C3orf20: variants seen among roughly 807,000 people sequenced by gnomAD.
C3orf20 encodes uncharacterized protein C3orf20.
In C3orf20, 76 loss-of-function variants were observed where a neutral mutation model predicts 88.3. The observed-to-expected ratio is 0.86, with a 90% CI of 0.72 to 1.04. C3orf20 has a LOEUF of 1.04. C3orf20 is among the 50% of genes least tolerant of loss of function. The pLI is 0.00. For synonymous variants in C3orf20, 436 were observed against 437.4 expected (o/e 1.00, Z 0.04); for missense variants, 1,056 against 1,123.3 (o/e 0.94, Z 0.86).
At chr3:14,704,835 A>G (rs2033431643) in intron 7 of C3orf20, among the ~76,000 whole-genome samples, 1 of 152,192 alleles carries the variant, frequency 6.6e-6, no homozygotes, top group South Asian at 2.1e-4. Context: ...GATCAACAGG[A>G]ACATACCACA....
Position 14,704,458 on chromosome 3 carries a change from G to T in C3orf20, c.1000G>T (p.Gly334Cys). ...CCGCAAAGGAGACTCTCAGACCCCG[G>T]GTTTACATTACCCTCCCACTGCAGG... ...LARKGDSQTP[G>C]LHYPPTAGAQ... Residue 334 changes from glycine (G) to cysteine (C), a missense_variant, in exon 7 of 17, where the codon GGT becomes TGT. By Grantham distance (159) the Gly-to-Cys change is radical. Transcript: ENST00000253697. 1 of 1,614,068 alleles carries T rather than the reference G, an allele frequency of 6.2e-7. No individual in the cohort carries two copies. Among genetic ancestry groups the T allele is most frequent in the Non-Finnish European group, 8.5e-7 (1 of 1,179,994 alleles).
At chr3:14,697,422 ATTCT>A (rs1213820761) in intron 5 of C3orf20, among the ~76,000 whole-genome samples, 5 of 151,650 alleles carry the variant, frequency 3.3e-5, no homozygotes, top group African/African-American at 4.8e-5. Flanking sequence ...AAGCTCACTA[ATTCT>A]TTCTTCTGCT....
intron 5 of C3orf20, among the ~76,000 whole-genome samples, chr3:14,693,746 A>G (rs1384491152): frequency 1.3e-5 from 2 of 152,138 alleles, no homozygotes; most frequent in Non-Finnish European, 2.9e-5. Flanking sequence ...TGGTGGTGAA[A>G]GTGGGCATCC....
chr3:14,765,903 C>G (rs148485864), intron 15 of C3orf20, among the ~76,000 whole-genome samples: 1 of 152,220 alleles, frequency 6.6e-6, no homozygotes, highest in African/African-American at 2.4e-5. Flanking sequence ...AGGGTCCCCA[C>G]GGGGGCCTCA....
intron 5 of C3orf20, among the ~76,000 whole-genome samples, chr3:14,700,948 T>C (rs2033237511): frequency 1.3e-5 from 2 of 152,226 alleles, no homozygotes; most frequent in Admixed American, 1.3e-4. Context: ...GAGTTGGGCT[T>C]ACTCCCTGAG....
In C3orf20 at chr3:14,717,056, C is replaced by T. The variant is rs188742675; in HGVS notation, c.1434+1647C>T. On this transcript the variant is annotated intron_variant, in intron 9 of 16. Coordinates refer to ENST00000253697, the MANE Select transcript of C3orf20 (RefSeq NM_032137.5). ...TAAGTTGTGTGTTAGTGTGTCCAAG[C>T]GGAGAACTGGGATAAGAACCTGAGG... 9.9e-5 allele frequency among the ~76,000 whole-genome samples: 15 copies of T among 152,228 alleles called. No individual in the cohort carries two copies. The East Asian group carries it at 1.9e-3, about 20-fold the overall frequency.
chr3:14,714,644 C>CTCAGGTT (rs2033875901), intron 8 of C3orf20, among the ~76,000 whole-genome samples: 1 of 152,158 alleles, frequency 6.6e-6, no homozygotes, highest in Admixed American at 6.5e-5. Context: ...CACTCTGTCA[C>CTCAGGTT]TCAGGTTGAA....
At chr3:14,705,898 A>G (rs1055960407) in intron 7 of C3orf20, among the ~76,000 whole-genome samples, 1 of 152,228 alleles carries the variant, frequency 6.6e-6, no homozygotes, top group South Asian at 2.1e-4. Flanking sequence ...GCCTTGGTTC[A>G]TGGCCTCCTT....
intron 9 of C3orf20, among the ~76,000 whole-genome samples, chr3:14,720,974 C>A (rs898126612): frequency 6.6e-6 from 1 of 152,146 alleles, no homozygotes; most frequent in Non-Finnish European, 1.5e-5. Flanking sequence ...CTCAGTAAGG[C>A]GTGAGTTGTT....
intron 4 of C3orf20, among the ~76,000 whole-genome samples, chr3:14,687,688 T>C (rs1013092143): frequency 3.3e-5 from 5 of 152,210 alleles, no homozygotes; most frequent in African/African-American, 1.2e-4. Flanking sequence ...CTGAATACCA[T>C]GTCTCCTCAC....
At chr3:14,728,735 G>A in intron 12 of C3orf20, 47 bp downstream of exon 12, 1 of 1,591,486 alleles carries the variant, frequency 6.3e-7, no homozygotes, top group Non-Finnish European at 8.6e-7. Context: ...TGTTGTGATG[G>A]GCAGTGGGCA....
At chr3:14,729,096 A>G (rs1439262257) in intron 12 of C3orf20, among the ~76,000 whole-genome samples, 1 of 152,182 alleles carries the variant, frequency 6.6e-6, no homozygotes, top group African/African-American at 2.4e-5. Context: ...TCATTCACAT[A>G]TCATCTACAG....
chr3:14,737,236 T>G (rs1160858629), intron 12 of C3orf20, among the ~76,000 whole-genome samples: 1 of 152,114 alleles, frequency 6.6e-6, no homozygotes, highest in Admixed American at 6.6e-5. Flanking sequence ...TTTTTTCTCT[T>G]TTTCCCCCTC....
intron 12 of C3orf20, among the ~76,000 whole-genome samples, chr3:14,729,173 T>C (rs1034225120): frequency 6.6e-6 from 1 of 152,174 alleles, no homozygotes; most frequent in African/African-American, 2.4e-5. Flanking sequence ...ACTACCTGGC[T>C]CTCTACAGAA....
chr3:14,753,034 C>T (rs968744705), intron 12 of C3orf20, among the ~76,000 whole-genome samples: 8 of 152,192 alleles, frequency 5.3e-5, no homozygotes, highest in Admixed American at 2.0e-4. Flanking sequence ...AAGACACATG[C>T]ACACATGTGT....
rs776802278 is a variant in C3orf20 at position 14,704,325 on chromosome 3, CCTT to C, written c.879-9_879-7del. 1.2e-6 allele frequency: 2 copies of C among 1,613,348 alleles called. No individual in the cohort carries two copies. Among genetic ancestry groups the C allele is most frequent in the Non-Finnish European group, 1.7e-6 (2 of 1,179,574 alleles). On this transcript the variant is annotated splice_polypyrimidine_tract_variant and intron_variant, in intron 6 of 16. Transcript: ENST00000253697. ...AAAAGGCTAGACAATATATTGCTCT[CCTT>C]CTCTGCAGAGAAGCTGAAAGGGCCA...
At chr3:14,722,054 A>G (rs2034183957) in intron 10 of C3orf20, 2 of 385,684 alleles carry the variant, frequency 5.2e-6, no homozygotes, top group Non-Finnish European at 9.5e-6. Context: ...CAATAAACTG[A>G]GAAGTCTGTC....
chr3:14,687,856 G>A (rs1473889092), intron 4 of C3orf20, among the ~76,000 whole-genome samples: 1 of 152,178 alleles, frequency 6.6e-6, no homozygotes, highest in Admixed American at 6.5e-5. Context: ...TGAGCTGGGG[G>A]CAGGGGGCCT....
At chr3:14,690,848 G>A (rs2032694866) in intron 5 of C3orf20, among the ~76,000 whole-genome samples, 1 of 152,216 alleles carries the variant, frequency 6.6e-6, no homozygotes, top group Non-Finnish European at 1.5e-5. Context: ...TGGATGGCAG[G>A]CAGGAATGCT....
Sources: gnomAD v4.1 joint callset for allele counts (sites outside exome capture counted in the v4.1 genomes callset) on GRCh38, gnomAD v4.1.1 for gene constraint, MANE v1.5 for transcripts, NCBI Gene and HGNC (gene_info 2026-07-23, HGNC 2026-07-21) for gene names.